The following PRKCE variants were observed in gnomAD, a reference collection of about 807,000 sequenced individuals.
PRKCE encodes the protein protein kinase C epsilon.
In PRKCE, 16 loss-of-function variants were observed where a neutral mutation model predicts 85.4. That is an observed-to-expected ratio of 0.19 (90% confidence interval 0.13 to 0.28). The LOEUF is 0.28. Among genes scored for constraint, PRKCE ranks in the 10% least tolerant of loss-of-function variants. PRKCE has a pLI of 1.00. For missense variants in PRKCE, 573 were observed against 975.2 expected (o/e 0.59, Z 5.49); for synonymous variants, 388 against 371.5 (o/e 1.04, Z -0.51).
intron 1 of PRKCE, among the ~76,000 whole-genome samples, chr2:45,726,921 C>G (rs939287555): frequency 2.0e-5 from 3 of 152,188 alleles, no homozygotes; most frequent in African/African-American, 7.2e-5. Context: ...GGGAAAACCA[C>G]TTAACCTTTC....
intron 11 of PRKCE, among the ~76,000 whole-genome samples, chr2:46,119,846 C>A (rs569088971): frequency 6.6e-6 from 1 of 152,356 alleles, no homozygotes; most frequent in East Asian, 1.9e-4. Flanking sequence ...GGATTCTCAA[C>A]TCCCGTTGCT....
At chr2:46,024,567 A>T (rs937315704) in intron 10 of PRKCE, among the ~76,000 whole-genome samples, 38 of 152,264 alleles carry the variant, frequency 2.5e-4, no homozygotes, top group African/African-American at 8.7e-4. Flanking sequence ...GTTGCTAGGA[A>T]GCTAAGCTTA....
intron 2 of PRKCE, among the ~76,000 whole-genome samples, chr2:45,845,131 T>G (rs1053218657): frequency 2.6e-4 from 39 of 151,976 alleles, no homozygotes; most frequent in African/African-American, 8.7e-4. Flanking sequence ...GGGTAGGACT[T>G]TCAATAATCC....
At position 45,774,403 on chromosome 2, in the gene PRKCE, C is replaced by T. The variant is rs1225504128; in HGVS notation, c.349-68597C>T. On this transcript the variant is annotated intron_variant, in intron 1 of 14. Coordinates refer to ENST00000306156, the MANE Select transcript of PRKCE (RefSeq NM_005400.3). The surrounding 1 kb of genome is among the most constrained non-coding windows in gnomAD (Gnocchi z 4.3). ...GTGTGAACCCAGGATGAGGCAGAGT[C>T]CCGTCAGAGGCCTGTACAGGCAAAC... Among the ~76,000 whole-genome samples the T allele has an allele frequency of 2.0e-5, 3 of 152,198 alleles. No homozygotes were observed. The highest frequency in any genetic ancestry group is 2.0e-4 in the Admixed American group (3 of 15,282).
intron 2 of PRKCE, among the ~76,000 whole-genome samples, chr2:45,874,061 G>C (rs972138589): frequency 3.3e-5 from 5 of 152,236 alleles, no homozygotes; most frequent in African/African-American, 9.6e-5. Context: ...AGGAGGGTTA[G>C]ATGATATAGT....
intron 10 of PRKCE, among the ~76,000 whole-genome samples, chr2:46,083,191 TC>T (rs1279791599): frequency 6.6e-6 from 1 of 152,214 alleles, no homozygotes; most frequent in Non-Finnish European, 1.5e-5. Context: ...CCTCAAGTGA[TC>T]TGCCTACCTC....
At chr2:45,994,386 T>G (rs1704054887) in intron 6 of PRKCE, among the ~76,000 whole-genome samples, 2 of 152,198 alleles carry the variant, frequency 1.3e-5, no homozygotes. Context: ...AATCTACCAT[T>G]ATAGTATCTT....
chr2:45,971,921 T>G lies in PRKCE; in HGVS notation c.413-4508T>G, dbSNP rs556249767. Among the ~76,000 whole-genome samples the G allele has an allele frequency of 3.9e-5, 6 of 152,336 alleles. No homozygotes were observed. In the South Asian group the frequency reaches 1.2e-3, roughly 32 times the overall value. ...ATTGTGAATGACGCTGCAGTGAATG[T>G]GGGAGTGCAGATGCATGAGGACTCT... is the stretch of plus-strand genomic sequence containing the variant. On this transcript the variant is annotated intron_variant, in intron 2 of 14. Transcript: ENST00000306156.
chr2:45,887,062 C>T (rs183295878), intron 2 of PRKCE, among the ~76,000 whole-genome samples: 66 of 152,282 alleles, frequency 4.3e-4, no homozygotes, highest in Admixed American at 5.9e-4. Context: ...TTCTTGTAAA[C>T]TCTGATGCCT....
intron 2 of PRKCE, among the ~76,000 whole-genome samples, chr2:45,966,324 G>A (rs768871037): frequency 4.6e-5 from 7 of 152,172 alleles, no homozygotes; most frequent in South Asian, 2.1e-4. Context: ...TATCTCGCAC[G>A]TGTGTGATGC....
intron 1 of PRKCE, among the ~76,000 whole-genome samples, chr2:45,771,236 A>G (rs1685302931): frequency 6.6e-6 from 1 of 152,214 alleles, no homozygotes; most frequent in Non-Finnish European, 1.5e-5. Context: ...AGCTGAAAGG[A>G]AAACAAAGGA....
At chr2:45,951,525 G>A (rs895043092) in intron 2 of PRKCE, among the ~76,000 whole-genome samples, 4 of 152,174 alleles carry the variant, frequency 2.6e-5, no homozygotes, top group African/African-American at 9.7e-5. Flanking sequence ...CTTTTGGCTT[G>A]GGGCCACACT....
At chr2:46,008,780 T>C (rs1035445788) in intron 9 of PRKCE, among the ~76,000 whole-genome samples, 7 of 152,246 alleles carry the variant, frequency 4.6e-5, no homozygotes, top group Admixed American at 2.0e-4. Context: ...CTCTGGGACC[T>C]GAACAGGATG....
intron 2 of PRKCE, among the ~76,000 whole-genome samples, chr2:45,975,768 T>C (rs1308180364): frequency 2.0e-5 from 3 of 152,162 alleles, no homozygotes; most frequent in African/African-American, 4.8e-5. Context: ...TCCAGTGGGA[T>C]CTTTACAGCC....
At chr2:46,099,561 T>G (rs762764990) in intron 11 of PRKCE, among the ~76,000 whole-genome samples, 3 of 152,114 alleles carry the variant, frequency 2.0e-5, no homozygotes, top group Non-Finnish European at 4.4e-5. Context: ...TCATTTTTCC[T>G]GGCTGTTAGT....
chr2:45,858,187 G>A (rs970240938), intron 2 of PRKCE, among the ~76,000 whole-genome samples: 2 of 152,206 alleles, frequency 1.3e-5, no homozygotes, highest in African/African-American at 4.8e-5. Context: ...TGCCTGTAAC[G>A]ATGGCCCTTC....
chr2:45,885,661 A>C (rs1695242637), intron 2 of PRKCE, among the ~76,000 whole-genome samples: 1 of 152,244 alleles, frequency 6.6e-6, no homozygotes. Flanking sequence ...TGTTGACAAC[A>C]GATAGGATTT....
intron 10 of PRKCE, among the ~76,000 whole-genome samples, chr2:46,060,944 T>C (rs1433048137): frequency 6.6e-6 from 1 of 151,628 alleles, no homozygotes; most frequent in Admixed American, 6.6e-5. Flanking sequence ...GTAATTTTAG[T>C]AGAGACAGGG....
At chr2:45,720,002 G>A (rs1232412890) in intron 1 of PRKCE, among the ~76,000 whole-genome samples, 1 of 152,216 alleles carries the variant, frequency 6.6e-6, no homozygotes, top group Non-Finnish European at 1.5e-5. Flanking sequence ...GGAGTTCACA[G>A]ATGGCTTGTT....
Sources: gnomAD v4.1 joint callset for allele counts (sites outside exome capture counted in the v4.1 genomes callset) on GRCh38, gnomAD v4.1.1 for gene constraint, Gnocchi (gnomAD v3.1) non-coding constraint, MANE v1.5 for transcripts, NCBI Gene and HGNC (gene_info 2026-07-23, HGNC 2026-07-21) for gene names.